The following NAPG variants were observed in gnomAD, a reference collection of about 807,000 sequenced individuals.
NAPG encodes NSF attachment protein gamma, also known as gamma-soluble NSF attachment protein.
Under a neutral mutation model 48.4 loss-of-function variants are expected in NAPG, and 25 were observed. The observed-to-expected ratio is 0.52, with a 90% CI of 0.38 to 0.72. The LOEUF (loss-of-function observed/expected upper bound fraction) is 0.72. NAPG is among the 30% of genes least tolerant of loss of function. The probability of loss-of-function intolerance (pLI) is 0.00; values close to 1 mark genes in which losing one functional copy is unlikely to be tolerated. For missense variants in NAPG, 359 were observed against 372.5 expected, an observed-to-expected ratio of 0.96 and a Z score of 0.30; for synonymous variants, 139 against 127.2, an observed-to-expected ratio of 1.09 and a Z score of -0.62.
intron 1 of NAPG, among the ~76,000 whole-genome samples, chr18:10,529,882 A>G (rs189579426): frequency 5.6e-4 from 85 of 152,350 alleles, no homozygotes; most frequent in African/African-American, 2.0e-3. Context: ...ATTTGAAGCA[A>G]GCAGTGTTCT....
chr18:10,537,911 A>G (rs551974116), intron 5 of NAPG, among the ~76,000 whole-genome samples: 2 of 152,224 alleles, frequency 1.3e-5, no homozygotes, highest in Admixed American at 1.3e-4. Context: ...CGAAAATGAG[A>G]CCAGTTTTGT....
rs2032261369 is a variant in NAPG, at chr18:10,546,156, A to G, written c.507-170A>G. ...GAAAGTGGGGAGTCAGACATTTGAA[A>G]GGTAAGCCAGATGAGCAGAGCATGT... is the stretch of plus-strand genomic sequence containing the variant. On this transcript the variant is annotated intron_variant, in intron 8 of 11. Coordinates refer to ENST00000322897, the MANE Select transcript of NAPG (RefSeq NM_003826.3). The surrounding 1 kb of genome is among the most constrained non-coding windows in gnomAD (Gnocchi z 4.0). 6.6e-6 allele frequency among the ~76,000 whole-genome samples: 1 copy of G among 152,156 alleles called. No homozygotes were observed. The highest frequency in any genetic ancestry group is 1.5e-5 in the Non-Finnish European group (1 of 68,018).
rs567172947 is a variant in NAPG at position 10,539,611 on chromosome 18, A to G, written c.259-151A>G. The G allele has an allele frequency of 3.7e-5, 24 of 648,460 alleles. No individual in the cohort carries two copies. Among genetic ancestry groups the G allele is most frequent in the South Asian group, 2.3e-4 (12 of 52,152 alleles). The allele number at this position is 648,460 out of a possible 1,614,324, so 40.2% of individuals were successfully genotyped here. On this transcript the variant is annotated intron_variant, in intron 5 of 11. Coordinates refer to ENST00000322897, the MANE Select transcript of NAPG (RefSeq NM_003826.3). The surrounding 1 kb of genome is among the most constrained non-coding windows in gnomAD (Gnocchi z 4.7). ...GGGTTGATAGGTATAGCAAACCACC[A>G]TGGGACATGTATACCTATGTAACAA...
chr18:10,532,930 T>C (rs1412822423), intron 3 of NAPG, 135 bp downstream of exon 3: 1 of 822,186 alleles, frequency 1.2e-6, no homozygotes, highest in Non-Finnish European at 1.9e-6. Context: ...AAAAATTCTG[T>C]ATTTTTAAAC....
intron 1 of NAPG, among the ~76,000 whole-genome samples, chr18:10,530,496 G>C (rs146015118): frequency 2.5e-4 from 38 of 152,096 alleles, no homozygotes; most frequent in African/African-American, 9.2e-4. Context: ...TACGATTTTA[G>C]TAAGTTCCCA....
intron 1 of NAPG, among the ~76,000 whole-genome samples, chr18:10,527,815 G>T (rs1451228280): frequency 1.3e-5 from 2 of 152,228 alleles, no homozygotes; most frequent in Non-Finnish European, 1.5e-5. Flanking sequence ...GGGCCAGACT[G>T]TGAAGGGACA....
At chr18:10,541,867 A>G (rs536382542) in intron 8 of NAPG, among the ~76,000 whole-genome samples, 2 of 152,314 alleles carry the variant, frequency 1.3e-5, no homozygotes, top group East Asian at 3.9e-4. Flanking sequence ...TTGTTTCTCA[A>G]GGTATAGATT....
In NAPG at chr18:10,550,906, T is replaced by TA. The variant is rs1417142397; in HGVS notation, c.*687dup. The TA allele has an allele frequency of 1.3e-5, 2 of 152,140 alleles. No homozygotes were observed. Among genetic ancestry groups the TA allele is most frequent in the Admixed American group, 6.5e-5 (1 of 15,272 alleles). The allele number at this position is 152,140 out of a possible 1,614,324, so 9.4% of individuals were successfully genotyped here. On this transcript the variant is annotated 3_prime_UTR_variant, in exon 12 of 12. Coordinates refer to ENST00000322897, the MANE Select transcript of NAPG (RefSeq NM_003826.3). ...GTATTTCTTCTATCTAAAAAATACA[T>TA]ACAGTGACTGTCTTCAAATCTACTT...
intron 9 of NAPG, among the ~76,000 whole-genome samples, chr18:10,547,227 G>T (rs1236016405): frequency 6.6e-6 from 1 of 152,222 alleles, no homozygotes; most frequent in Admixed American, 6.5e-5. Context: ...ATTAAGTGTA[G>T]AACTTCCATC....
chr18:10,546,390 C>T lies in NAPG; in HGVS notation c.571C>T (p.Pro191Ser). ...KNIYKEIENY[P>S]TCYKKTIAQV... ...TATTTATAAGGAAATTGAGAATTAT[C>T]CAACTTGTTATAAGGTATTCTTTGA... The change falls in exon 9 of 12, where the codon CCA (proline) becomes TCA (serine). Residue 191 changes from proline (P) to serine (S), a missense_variant. Coordinates refer to ENST00000322897, the MANE Select transcript of NAPG (RefSeq NM_003826.3). The surrounding 1 kb of genome is among the most constrained non-coding windows in gnomAD (Gnocchi z 4.0). 6.4e-7 allele frequency: 1 copy of T among 1,552,534 alleles called. No homozygotes were observed. The highest frequency in any genetic ancestry group is 8.8e-7 in the Non-Finnish European group (1 of 1,140,294).
In NAPG at chr18:10,534,377, C is replaced by CT. The variant is rs1322540213; in HGVS notation, c.228-86dup. 9.3e-7 allele frequency: 1 copy of CT among 1,072,556 alleles called. No individual in the cohort carries two copies. The highest frequency in any genetic ancestry group is 1.4e-6 in the Non-Finnish European group (1 of 696,854). The allele number at this position is 1,072,556 out of a possible 1,614,324, so 66.4% of individuals were successfully genotyped here. Reference sequence around the variant, plus strand: ...CATGAGCCCATTGTAATTGAAGTCACTTTCCTTACCAGTAGTTCCTCACCA... The same window carrying CT: ...CATGAGCCCATTGTAATTGAAGTCACTTTTCCTTACCAGTAGTTCCTCACCA... On this transcript the variant is annotated intron_variant, in intron 4 of 11. Transcript: ENST00000322897. The surrounding 1 kb of genome is among the most constrained non-coding windows in gnomAD (Gnocchi z 5.0).
At chr18:10,541,513 T>C (rs540701) in intron 8 of NAPG, among the ~76,000 whole-genome samples, 51,739 of 152,058 alleles carry the variant, frequency 0.34, 8,875 homozygotes, top group East Asian at 0.41. Context: ...GGTGATGGCG[T>C]TATGGCTGTG....
At chr18:10,549,134 T>C in intron 11 of NAPG, 38 bp downstream of exon 11, 2 of 1,576,200 alleles carry the variant, frequency 1.3e-6, no homozygotes, top group South Asian at 2.3e-5. Flanking sequence ...ATCTTTTCTC[T>C]TGAAAGAAAG....
At chr18:10,526,239 C>A in intron 1 of NAPG, 81 bp downstream of exon 1, 1 of 349,042 alleles carries the variant, frequency 2.9e-6, no homozygotes, top group South Asian at 2.2e-5. Flanking sequence ...CCGGGGGGGG[C>A]GGGAGGGAGG....
At position 10,551,282 on chromosome 18, in the gene NAPG, C is replaced by T. The variant is rs998967658; in HGVS notation, c.*1062C>T. On this transcript the variant is annotated 3_prime_UTR_variant, in exon 12 of 12. Coordinates refer to ENST00000322897, the MANE Select transcript of NAPG (RefSeq NM_003826.3). ...TGTAAGAATGAGGTAATGTTTCCAT[C>T]AGTCTAATACAGATATATTTCTTCC... 1 of 151,972 alleles carries T rather than the reference C, an allele frequency of 6.6e-6. No homozygotes were observed. Among genetic ancestry groups the T allele is most frequent in the Non-Finnish European group, 1.5e-5 (1 of 68,004 alleles). 9.4% of individuals were successfully genotyped at this position (151,972 alleles called of 1,614,324 possible). A position where few individuals can be genotyped will look rare whatever the true frequency, so the allele number is the denominator to read the frequency against.
chr18:10,549,225 CAT>C (rs554342981), intron 11 of NAPG, 129 bp downstream of exon 11: 17 of 1,046,594 alleles, frequency 1.6e-5, no homozygotes, highest in Non-Finnish European at 2.1e-5. Context: ...AGCTACTACT[CAT>C]AAGGAAACTG....
rs547764198 is a variant in NAPG at position 10,536,121 on chromosome 18, A to C, written c.258+1625A>C. ...CAGCTGTACTAAGACTTGAATCTTC[A>C]TCAAAAGTTATTATTCAGGCATCAT... On this transcript the variant is annotated intron_variant, in intron 5 of 11. Coordinates refer to ENST00000322897, the MANE Select transcript of NAPG (RefSeq NM_003826.3). 1.4e-4 allele frequency among the ~76,000 whole-genome samples: 22 copies of C among 152,304 alleles called. No homozygotes were observed. In the South Asian group the frequency reaches 4.3e-3, roughly 30 times the overall value.
At chr18:10,526,960 C>A (rs1237687546) in intron 1 of NAPG, among the ~76,000 whole-genome samples, 1 of 151,936 alleles carries the variant, frequency 6.6e-6, no homozygotes, top group Non-Finnish European at 1.5e-5. Flanking sequence ...GAGGCCGAGG[C>A]GGGCGGATCA....
At position 10,543,135 on chromosome 18, in the gene NAPG, CAAA is replaced by C. The variant is rs199992167; in HGVS notation, c.506+2749_506+2751del. Among the ~76,000 whole-genome samples the C allele has an allele frequency of 8.5e-5, 9 of 106,380 alleles. No individual in the cohort carries two copies. Among genetic ancestry groups the C allele is most frequent in the Non-Finnish European group, 8.0e-5 (4 of 50,218 alleles). The allele number at this position is 106,380 out of a possible 152,430, so 69.8% of individuals were successfully genotyped here. A position where few individuals can be genotyped will look rare whatever the true frequency, so the allele number is the denominator to read the frequency against. The stretch of plus-strand genomic sequence containing the variant: ...ACAGGTTGCAGTGAGACTCCCATCT[CAAA>C]AAAAAAAAAAAAGAAAAGAAAAGAA... On this transcript the variant is annotated intron_variant, in intron 8 of 11. Transcript: ENST00000322897. The surrounding 1 kb of genome is among the most constrained non-coding windows in gnomAD (Gnocchi z 4.4).
Sources: allele counts gnomAD v4.1 joint callset (sites outside exome capture counted in the v4.1 genomes callset), GRCh38; gene constraint gnomAD v4.1.1; non-coding constraint Gnocchi (gnomAD v3.1); transcripts MANE v1.5; gene names NCBI Gene and HGNC (gene_info 2026-07-23, HGNC 2026-07-21).